Variants in HACD4 observed in about 807,000 individuals in gnomAD.
HACD4 encodes the protein very-long-chain (3R)-3-hydroxyacyl-CoA dehydratase 4.
Under a neutral mutation model 33.3 loss-of-function variants are expected in HACD4, and 35 were observed. The ratio of observed to expected loss-of-function variants is 1.05; its 90% CI spans 0.80 to 1.39. The LOEUF is 1.39. Ranked by LOEUF, HACD4 falls within the 40% of genes most tolerant of loss-of-function variation. HACD4 has a pLI of 0.00. For missense variants in HACD4, 323 were observed against 276.5 expected (o/e 1.17, Z -1.19); for synonymous variants, 118 against 98.0 (o/e 1.20, Z -1.21).
chr9:20,999,662 T>C lies in HACD4; in HGVS notation c.*7375A>G, dbSNP rs1842137348. 6.6e-6 allele frequency: 1 copy of C among 152,204 alleles called. No homozygotes were observed. The highest frequency in any genetic ancestry group is 1.5e-5 in the Non-Finnish European group (1 of 68,022). The allele number at this position is 152,204 out of a possible 1,614,324, so 9.4% of individuals were successfully genotyped here. A position where few individuals can be genotyped will look rare whatever the true frequency, so the allele number is the denominator to read the frequency against. On this transcript the variant is annotated 3_prime_UTR_variant, in exon 7 of 7. Transcript: ENST00000495827. ...TATAAGGAACGCTTTGAGATACAAT[T>C]GAAATTCATTACCTAATTAAGCCGA... is the stretch of plus-strand genomic sequence containing the variant.
chr9:21,029,407 A>T lies in HACD4; in HGVS notation c.39-9T>A. 1 of 1,459,832 alleles carries T rather than the reference A, an allele frequency of 6.9e-7. No homozygotes were observed. The highest frequency in any genetic ancestry group is 9.5e-7 in the Non-Finnish European group (1 of 1,051,180). 90.4% of individuals were successfully genotyped at this position (1,459,832 alleles called of 1,614,324 possible). ...ACGCATTCTTCCTATACCTATAAAT[A>T]CAGGAAAATACCATTAAACACTTCT... On this transcript the variant is annotated splice_polypyrimidine_tract_variant and intron_variant, in intron 1 of 6. Coordinates refer to ENST00000495827, the MANE Select transcript of HACD4 (RefSeq NM_001010915.5).
At position 21,001,786 on chromosome 9, in the gene HACD4, C is replaced by T. The variant is rs1842169713; in HGVS notation, c.*5251G>A. ...GTATTTGACAAAACTGTTCTTCAAACGTGAGAGAGAAATTAAGACATCCCC... is the reference window on the plus strand; with the variant it reads ...GTATTTGACAAAACTGTTCTTCAAATGTGAGAGAGAAATTAAGACATCCCC... On this transcript the variant is annotated 3_prime_UTR_variant, in exon 7 of 7. Coordinates refer to ENST00000495827, the MANE Select transcript of HACD4 (RefSeq NM_001010915.5). The T allele has an allele frequency of 6.6e-6, 1 of 151,950 alleles. No individual in the cohort carries two copies. The highest frequency in any genetic ancestry group is 1.5e-5 in the Non-Finnish European group (1 of 67,944). 9.4% of individuals were successfully genotyped at this position (151,950 alleles called of 1,614,324 possible).
At chr9:21,025,457 A>G (rs1818038822) in intron 3 of HACD4, among the ~76,000 whole-genome samples, 2 of 152,104 alleles carry the variant, frequency 1.3e-5, no homozygotes, top group Admixed American at 1.3e-4. Flanking sequence ...AAATTCTGAC[A>G]TTTTCATTAT....
At chr9:21,023,353 A>G (rs1020507012) in intron 3 of HACD4, among the ~76,000 whole-genome samples, 28 of 152,284 alleles carry the variant, frequency 1.8e-4, no homozygotes, top group African/African-American at 6.7e-4. Context: ...GGTACCCTAG[A>G]ACTTAAAGTA....
rs887811460 is a variant in HACD4, at chr9:21,001,937, G to A, written c.*5100C>T. On this transcript the variant is annotated 3_prime_UTR_variant, in exon 7 of 7. Coordinates refer to ENST00000495827, the MANE Select transcript of HACD4 (RefSeq NM_001010915.5). ...AACTCAAAGCCACATGAAGAAATAA[G>A]GATCTCAGTAAAGAAAAATACATGG... 2.0e-5 allele frequency: 3 copies of A among 152,078 alleles called. No homozygotes were observed. Among genetic ancestry groups the A allele is most frequent in the African/African-American group, 4.8e-5 (2 of 41,442 alleles). 9.4% of individuals were successfully genotyped at this position (152,078 alleles called of 1,614,324 possible).
rs548778829 is a variant in HACD4 at position 21,015,994 on chromosome 9, A to G, written c.287T>C (p.Ile96Thr). 6.2e-7 allele frequency: 1 copy of G among 1,611,820 alleles called. No homozygotes were observed. The highest frequency in any genetic ancestry group is 1.3e-5 in the African/African-American group (1 of 74,986). ...PRFLQLTERI[I>T]ILFVVITSQE... ...ACTGGTGATCACCACAAAAAGGATG[A>G]TTATTCTTTCTGTGAGCTAACAAAG... Residue 96 changes from isoleucine (I) to threonine (T), a missense_variant, in exon 4 of 7, where the codon ATC (isoleucine) becomes ACC (threonine). Ile to Thr is a moderately conservative substitution (Grantham distance 89). Coordinates refer to ENST00000495827, the MANE Select transcript of HACD4 (RefSeq NM_001010915.5).
chr9:21,024,892 G>C (rs1028066590), intron 3 of HACD4, among the ~76,000 whole-genome samples: 2 of 152,258 alleles, frequency 1.3e-5, no homozygotes, highest in African/African-American at 2.4e-5. Flanking sequence ...CCAGATGATA[G>C]AACACAACTT....
chr9:21,015,940 A>C lies in HACD4; in HGVS notation c.341T>G (p.Val114Gly). 1 of 1,613,248 alleles carries C rather than the reference A, an allele frequency of 6.2e-7. No homozygotes were observed. The change falls in exon 4 of 7, where the codon GTG becomes GGG. Residue 114 changes from valine to glycine, a missense_variant. Val to Gly is a moderately radical substitution (Grantham distance 109). Transcript: ENST00000495827. ...SQEEVQEKYVVCVLFVFWNLL... is the reference protein window; with the variant it reads ...SQEEVQEKYVGCVLFVFWNLL... ...ATTCCAAAAGACGAATAAAACACACACCACATATTTCTCTTGGACTTCCTC... is the reference window on the plus strand; with the variant it reads ...ATTCCAAAAGACGAATAAAACACACCCCACATATTTCTCTTGGACTTCCTC...
At chr9:21,021,237 T>G in intron 3 of HACD4, among the ~76,000 whole-genome samples, 1 of 152,132 alleles carries the variant, frequency 6.6e-6, no homozygotes, top group East Asian at 1.9e-4. Flanking sequence ...CTCAAAATAA[T>G]AAGAGCTATT....
At chr9:21,021,190 A>G (rs1157529816) in intron 3 of HACD4, among the ~76,000 whole-genome samples, 1 of 152,206 alleles carries the variant, frequency 6.6e-6, no homozygotes, top group African/African-American at 2.4e-5. Flanking sequence ...CCTTCATGCT[A>G]AAAAATCTCC....
chr9:21,029,211 G>C (rs1818141604), intron 2 of HACD4, 84 bp downstream of exon 2: 1 of 768,278 alleles, frequency 1.3e-6, no homozygotes. Flanking sequence ...AGAAGGTTGA[G>C]GTGTGTAGAA....
Position 21,011,707 on chromosome 9 carries a change from T to A in HACD4, c.384-12A>T, listed in dbSNP as rs1842443044. ...TGCTATAAGTGTACCTGAAAGGAGA[T>A]GAGAAGCTCATAAACATCATTTTCT... On this transcript the variant is annotated splice_polypyrimidine_tract_variant and intron_variant, in intron 4 of 6. Coordinates refer to ENST00000495827, the MANE Select transcript of HACD4 (RefSeq NM_001010915.5). The A allele has an allele frequency of 7.0e-7, 1 of 1,437,666 alleles. No homozygotes were observed. Among genetic ancestry groups the A allele is most frequent in the South Asian group, 1.2e-5 (1 of 83,256 alleles). The allele number at this position is 1,437,666 out of a possible 1,614,324, so 89.1% of individuals were successfully genotyped here.
rs751385649 is a variant in HACD4, at chr9:21,006,921, T to C, written c.*116A>G. The C allele has an allele frequency of 5.5e-6, 4 of 731,942 alleles. No individual in the cohort carries two copies. The highest frequency in any genetic ancestry group is 1.0e-5 in the Non-Finnish European group (4 of 401,104). 45.3% of individuals were successfully genotyped at this position (731,942 alleles called of 1,614,324 possible). A position where few individuals can be genotyped will look rare whatever the true frequency, so the allele number is the denominator to read the frequency against. The stretch of plus-strand genomic sequence containing the variant: ...TTTGGGGGTATGTGCAGTTATTTCA[T>C]GTAATGGATTTTTATCAAATACAAG... On this transcript the variant is annotated 3_prime_UTR_variant, in exon 7 of 7. Transcript: ENST00000495827. The surrounding 1 kb of genome is among the most constrained non-coding windows in gnomAD (Gnocchi z 4.6).
chr9:21,014,365 T>C (rs888038568), intron 4 of HACD4, among the ~76,000 whole-genome samples: 8 of 152,228 alleles, frequency 5.3e-5, no homozygotes, highest in South Asian at 2.1e-4. Context: ...ATCAATGCAA[T>C]AGAATTTTAC....
intron 2 of HACD4, among the ~76,000 whole-genome samples, chr9:21,027,938 C>T (rs1160018378): frequency 1.3e-5 from 2 of 151,942 alleles, no homozygotes; most frequent in African/African-American, 4.8e-5. Flanking sequence ...AGTTCAATAC[C>T]AGCCTGGCCA....
At chr9:21,017,388 A>G (rs1842581869) in intron 3 of HACD4, among the ~76,000 whole-genome samples, 1 of 152,138 alleles carries the variant, frequency 6.6e-6, no homozygotes, top group African/African-American at 2.4e-5. Context: ...GAAGCTATCT[A>G]CATAGCTGTT....
chr9:21,021,425 G>A (rs1385612143), intron 3 of HACD4, among the ~76,000 whole-genome samples: 5 of 152,170 alleles, frequency 3.3e-5, no homozygotes, highest in Admixed American at 6.5e-5. Flanking sequence ...ATTAGGAAAA[G>A]AGGAAGTCAA....
intron 2 of HACD4, among the ~76,000 whole-genome samples, chr9:21,027,291 A>G (rs1818086420): frequency 6.6e-6 from 1 of 152,086 alleles, no homozygotes; most frequent in Non-Finnish European, 1.5e-5. Context: ...TCTGATCAGG[A>G]CTTTTGGGGT....
chr9:21,023,773 C>T (rs1474134465), intron 3 of HACD4, among the ~76,000 whole-genome samples: 1 of 152,116 alleles, frequency 6.6e-6, no homozygotes, highest in East Asian at 1.9e-4. Flanking sequence ...GACAGGGTTT[C>T]ACCATGTTGG....
Sources: gnomAD v4.1 joint callset for allele counts (sites outside exome capture counted in the v4.1 genomes callset) on GRCh38, gnomAD v4.1.1 for gene constraint, Gnocchi (gnomAD v3.1) non-coding constraint, MANE v1.5 for transcripts, NCBI Gene and HGNC (gene_info 2026-07-23, HGNC 2026-07-21) for gene names.